The following EXOC5 variants were observed in gnomAD, a reference collection of about 807,000 sequenced individuals.
EXOC5 encodes the protein SEC10-like 1.
In EXOC5, 17 loss-of-function variants were observed where a neutral mutation model predicts 90.8. The ratio of observed to expected loss-of-function variants is 0.19; its 90% CI spans 0.13 to 0.28. The LOEUF is 0.28. Among genes scored for constraint, EXOC5 ranks in the 10% least tolerant of loss-of-function variants. EXOC5 has a pLI of 1.00. For synonymous variants in EXOC5, 260 were observed against 270.0 expected (o/e 0.96, Z 0.36); for missense variants, 569 against 830.6 (o/e 0.69, Z 3.87).
At chr14:57,242,261 T>C (rs954534976) in intron 4 of EXOC5, among the ~76,000 whole-genome samples, 2 of 152,078 alleles carry the variant, frequency 1.3e-5, no homozygotes, top group East Asian at 3.9e-4. Context: ...TTCTTTTTTT[T>C]CTTGAGACAG....
At position 57,255,020 on chromosome 14, in the gene EXOC5, T is replaced by A. The variant is rs181340234; in HGVS notation, c.28-7308A>T. Among the ~76,000 whole-genome samples, 11 of 152,296 alleles carry A rather than the reference T, an allele frequency of 7.2e-5. No homozygotes were observed. In the East Asian group the frequency reaches 1.9e-3, roughly 27 times the overall value. ...GATGCAAAGTATGAAGTTCTTTGTA[T>A]AACATGTTAGCACCAGAGAACATAT... On this transcript the variant is annotated intron_variant, in intron 1 of 17. Coordinates refer to ENST00000621441, the MANE Select transcript of EXOC5 (RefSeq NM_006544.4).
intron 1 of EXOC5, among the ~76,000 whole-genome samples, chr14:57,263,524 T>A (rs1566508580): frequency 6.6e-6 from 1 of 151,442 alleles, no homozygotes; most frequent in East Asian, 1.9e-4. Context: ...TCCCAGCACT[T>A]TGGGAGGCCG....
chr14:57,247,529 A>G (rs557651583), intron 2 of EXOC5, 89 bp downstream of exon 2: 26 of 534,834 alleles, frequency 4.9e-5, no homozygotes, highest in Non-Finnish European at 7.5e-5. Context: ...TTGTAGAGGA[A>G]TGCTGAAAGC....
At chr14:57,237,639 A>G (rs1221268037) in intron 5 of EXOC5, 2 of 311,702 alleles carry the variant, frequency 6.4e-6, no homozygotes, top group Non-Finnish European at 1.2e-5. Context: ...TAGGAAATTC[A>G]CATTGAAAAT....
At chr14:57,212,709 C>A (rs997804914) in intron 15 of EXOC5, among the ~76,000 whole-genome samples, 1 of 152,194 alleles carries the variant, frequency 6.6e-6, no homozygotes, top group Non-Finnish European at 1.5e-5. Flanking sequence ...CCAGCAGATG[C>A]TTTATCACAA....
At chr14:57,242,411 AT>A (rs11453464) in intron 4 of EXOC5, among the ~76,000 whole-genome samples, 91 of 145,658 alleles carry the variant, frequency 6.2e-4, no homozygotes, top group South Asian at 8.8e-4. Flanking sequence ...CGGTCAGCTA[AT>A]TTTTTTTTTT....
chr14:57,245,764 A>C (rs9323304), intron 3 of EXOC5, among the ~76,000 whole-genome samples: 38,784 of 152,038 alleles, frequency 0.26, 12,071 homozygotes, highest in African/African-American at 0.75. Flanking sequence ...ACACTAAGGG[A>C]AATCAAGGCC....
At chr14:57,213,410 T>C (rs902641510) in intron 15 of EXOC5, among the ~76,000 whole-genome samples, 4 of 151,468 alleles carry the variant, frequency 2.6e-5, no homozygotes. Flanking sequence ...TTTTTATATA[T>C]TTATTTATTT....
chr14:57,268,664 G>A lies in EXOC5; in HGVS notation c.-16C>T, dbSNP rs891541233. Reference sequence around the variant, plus strand: ...TGGTAGCCATCCCGGCCGGCTGAGAGGCTCGCCCCCCACTGGATGCCGTCT... The same window carrying A: ...TGGTAGCCATCCCGGCCGGCTGAGAAGCTCGCCCCCCACTGGATGCCGTCT... On this transcript the variant is annotated 5_prime_UTR_variant, in exon 1 of 18. Coordinates refer to ENST00000621441, the MANE Select transcript of EXOC5 (RefSeq NM_006544.4). 5 of 1,584,648 alleles carry A rather than the reference G, an allele frequency of 3.2e-6. No individual in the cohort carries two copies. The South Asian group carries it at 5.7e-5, about 18-fold the overall frequency.
At chr14:57,218,247 C>T (rs1317715803) in intron 14 of EXOC5, among the ~76,000 whole-genome samples, 179 bp from the exon 15 acceptor site, 1 of 151,986 alleles carries the variant, frequency 6.6e-6, no homozygotes, top group African/African-American at 2.4e-5. Flanking sequence ...TTAGCATTCA[C>T]TATGCCCAAT....
Position 57,244,258 on chromosome 14 carries a change from T to A in EXOC5, c.372A>T (p.Arg124Ser). The A allele has an allele frequency of 6.2e-7, 1 of 1,613,574 alleles. No individual in the cohort carries two copies. The highest frequency in any genetic ancestry group is 8.5e-7 in the Non-Finnish European group (1 of 1,179,496). The change falls in exon 4 of 18, where the codon AGA becomes AGT. Residue 124 changes from arginine (R) to serine (S), a missense_variant. Arg to Ser is a moderately radical substitution (Grantham distance 110). Around this residue, in one of 9 missense-constraint regions of EXOC5, gnomAD observed 97 missense variants for 177.9 expected, o/e 0.55. Coordinates refer to ENST00000621441, the MANE Select transcript of EXOC5 (RefSeq NM_006544.4). ...GDQLEGVNTP[R>S]QRAVEAQKLM... ...ATTTCTGAGCCTCCACTGCCCGTTG[T>A]CTGGGTGTGTTTACCCCCTCTAACT...
chr14:57,260,526 T>C (rs1277245600), intron 1 of EXOC5, among the ~76,000 whole-genome samples: 1 of 152,184 alleles, frequency 6.6e-6, no homozygotes, highest in African/African-American at 2.4e-5. Flanking sequence ...TTTTAGATTC[T>C]CTTAAGCAAA....
At chr14:57,252,717 A>G (rs1381865012) in intron 1 of EXOC5, among the ~76,000 whole-genome samples, 1 of 152,204 alleles carries the variant, frequency 6.6e-6, no homozygotes, top group Non-Finnish European at 1.5e-5. Flanking sequence ...ATTACGAAAA[A>G]TGTTATGGCG....
At chr14:57,234,376 C>T (rs1883585735) in intron 7 of EXOC5, among the ~76,000 whole-genome samples, 1 of 151,060 alleles carries the variant, frequency 6.6e-6, no homozygotes, top group South Asian at 2.1e-4. Context: ...CCCACTCACA[C>T]CCACCCACAC....
At chr14:57,226,390 A>C (rs947833465) in intron 12 of EXOC5, among the ~76,000 whole-genome samples, 1 of 152,214 alleles carries the variant, frequency 6.6e-6, no homozygotes, top group Non-Finnish European at 1.5e-5. Flanking sequence ...CTAGAAATTA[A>C]ATATAAATCT....
chr14:57,238,197 GATAT>G lies in EXOC5; in HGVS notation c.531-835_531-832del, dbSNP rs1385457406. ...GTGTGAAAAAATTGAATCTATTTAG[GATAT>G]ATATTCAACTCCACATATATATACA... is the stretch of plus-strand genomic sequence containing the variant. On this transcript the variant is annotated intron_variant, in intron 5 of 17. Transcript: ENST00000621441. Among the ~76,000 whole-genome samples the G allele has an allele frequency of 1.8e-4, 26 of 141,458 alleles. No individual in the cohort carries two copies. In the South Asian group the frequency reaches 2.0e-3, roughly 11 times the overall value. 92.8% of individuals were successfully genotyped at this position (141,458 alleles called of 152,430 possible). A position where few individuals can be genotyped will look rare whatever the true frequency, so the allele number is the denominator to read the frequency against.
At chr14:57,231,449 A>G (rs1326542123) in intron 11 of EXOC5, 57 bp downstream of exon 11, 2 of 1,193,900 alleles carry the variant, frequency 1.7e-6, no homozygotes, top group East Asian at 2.4e-5. Flanking sequence ...TTGCCCAAAT[A>G]TAATGAAGTT....
chr14:57,251,744 A>T (rs1030771078), intron 1 of EXOC5, among the ~76,000 whole-genome samples: 9 of 151,938 alleles, frequency 5.9e-5, no homozygotes, highest in Admixed American at 2.0e-4. Context: ...AAGAAACAAT[A>T]GGAAAAAAAT....
intron 1 of EXOC5, among the ~76,000 whole-genome samples, chr14:57,264,246 C>T (rs969139692): frequency 1.3e-5 from 2 of 152,218 alleles, no homozygotes; most frequent in African/African-American, 4.8e-5. Context: ...AGCACCTTGA[C>T]AGTAACGGGG....
Sources: gnomAD v4.1 joint callset for allele counts (sites outside exome capture counted in the v4.1 genomes callset) on GRCh38, gnomAD v4.1.1 for gene constraint, gnomAD v4.1.1 regional missense constraint, MANE v1.5 for transcripts, NCBI Gene and HGNC (gene_info 2026-07-23, HGNC 2026-07-21) for gene names.